ANKFN1: variants seen among roughly 807,000 people sequenced by gnomAD.
ANKFN1 encodes the protein ankyrin repeat and fibronectin type-III domain-containing protein 1.
Under a neutral mutation model 108.7 loss-of-function variants are expected in ANKFN1, and 74 were observed. The observed-to-expected ratio is 0.68, with a 90% CI of 0.56 to 0.83. The LOEUF is 0.83. Among genes scored for constraint, ANKFN1 ranks in the 40% least tolerant of loss-of-function variants. The probability of loss-of-function intolerance (pLI) is 0.00; values close to 1 mark genes in which losing one functional copy is unlikely to be tolerated. For missense variants in ANKFN1, 1,505 were observed against 1,382.3 expected, an observed-to-expected ratio of 1.09 and a Z score of -1.41; for synonymous variants, 547 against 516.2, an observed-to-expected ratio of 1.06 and a Z score of -0.81.
At chr17:56,419,080 G>A (rs1046968263) in intron 8 of ANKFN1, among the ~76,000 whole-genome samples, 1 of 152,156 alleles carries the variant, frequency 6.6e-6, no homozygotes, top group Non-Finnish European at 1.5e-5. Flanking sequence ...GTTGACCATG[G>A]GAACCAACTC....
intron 4 of ANKFN1, among the ~76,000 whole-genome samples, chr17:56,048,426 A>C (rs1180464015): frequency 6.6e-6 from 1 of 152,204 alleles, no homozygotes; most frequent in African/African-American, 2.4e-5. Flanking sequence ...AATCATCAAT[A>C]ATATGGTCCA....
At chr17:56,202,814 AT>A (rs1177481324) in intron 1 of ANKFN1, among the ~76,000 whole-genome samples, 4 of 152,260 alleles carry the variant, frequency 2.6e-5, no homozygotes, top group Admixed American at 2.6e-4. Flanking sequence ...TTTGAAAAAA[AT>A]ATAATGATGC....
At chr17:56,379,228 C>T (rs2047025603) in intron 8 of ANKFN1, among the ~76,000 whole-genome samples, 1 of 152,038 alleles carries the variant, frequency 6.6e-6, no homozygotes, top group Admixed American at 6.5e-5. Context: ...GAAACCCCGT[C>T]TCTACTAAAA....
intron 3 of ANKFN1, among the ~76,000 whole-genome samples, chr17:56,230,151 C>G (rs1446612246): frequency 2.0e-5 from 3 of 152,118 alleles, no homozygotes; most frequent in Non-Finnish European, 4.4e-5. Context: ...ATATGCAACA[C>G]ATAAAATCCC....
At chr17:56,175,596 G>C (rs2143593368) in intron 1 of ANKFN1, among the ~76,000 whole-genome samples, 1 of 152,282 alleles carries the variant, frequency 6.6e-6, no homozygotes, top group South Asian at 2.1e-4. Context: ...ACAAGCGATG[G>C]TGAAGTCCAG....
At chr17:56,311,433 G>A (rs759585203) in intron 3 of ANKFN1, among the ~76,000 whole-genome samples, 4 of 152,122 alleles carry the variant, frequency 2.6e-5, no homozygotes, top group Non-Finnish European at 5.9e-5. Context: ...AAAATGTACC[G>A]AACTCCAAAA....
intron 4 of ANKFN1, among the ~76,000 whole-genome samples, chr17:56,107,247 G>T (rs184208298): frequency 2.0e-5 from 3 of 152,268 alleles, no homozygotes; most frequent in Admixed American, 1.3e-4. Context: ...AAGTCCCAAG[G>T]AGGTTTCAAG....
At chr17:56,395,010 C>T (rs1307433872) in intron 8 of ANKFN1, among the ~76,000 whole-genome samples, 2 of 152,162 alleles carry the variant, frequency 1.3e-5, no homozygotes, top group African/African-American at 2.4e-5. Context: ...GCTGAAGGGC[C>T]TCTCCAGTCC....
chr17:56,228,069 GCA>G (rs771358267), intron 3 of ANKFN1, 112 bp downstream of exon 3: 12 of 828,714 alleles, frequency 1.4e-5, no homozygotes, highest in Non-Finnish European at 1.5e-5. Context: ...GTCTAGCTCA[GCA>G]CACACAGCCA....
chr17:56,449,942 A>G (rs181828093), intron 11 of ANKFN1, among the ~76,000 whole-genome samples: 16 of 152,306 alleles, frequency 1.1e-4, no homozygotes, highest in African/African-American at 3.6e-4. Flanking sequence ...AGAAGGCTTT[A>G]AAAGCTTCTT....
At chr17:56,206,310 A>C (rs1914530463) in intron 1 of ANKFN1, among the ~76,000 whole-genome samples, 1 of 152,134 alleles carries the variant, frequency 6.6e-6, no homozygotes, top group African/African-American at 2.4e-5. Flanking sequence ...CTTTTCCTCC[A>C]AGTAATTACA....
At chr17:56,455,172 T>C (rs2049641675) in intron 11 of ANKFN1, among the ~76,000 whole-genome samples, 1 of 152,200 alleles carries the variant, frequency 6.6e-6, no homozygotes, top group African/African-American at 2.4e-5. Flanking sequence ...GCTTTCCAGC[T>C]ACTGAGATTT....
At position 56,512,289 on chromosome 17, in the gene ANKFN1, C is replaced by G. The variant is rs985220260; in HGVS notation, c.*1020C>G. Among the ~76,000 whole-genome samples, 1 of 152,154 alleles carries G rather than the reference C, an allele frequency of 6.6e-6. No individual in the cohort carries two copies. The highest frequency in any genetic ancestry group is 2.4e-5 in the African/African-American group (1 of 41,422). Reference sequence around the variant, plus strand: ...AGTCAGCAATGGGCTCCTCACAACCCCACAGGCTTATCCACTCACCCTACA... The same window carrying G: ...AGTCAGCAATGGGCTCCTCACAACCGCACAGGCTTATCCACTCACCCTACA... On this transcript the variant is annotated 3_prime_UTR_variant, in exon 21 of 21. Coordinates refer to ENST00000682825, the MANE Select transcript of ANKFN1 (RefSeq NM_001370326.1).
At chr17:56,075,313 T>C (rs9899803) in intron 4 of ANKFN1, among the ~76,000 whole-genome samples, 2 of 151,942 alleles carry the variant, frequency 1.3e-5, no homozygotes, top group African/African-American at 4.8e-5. Flanking sequence ...AAGGTTAATG[T>C]GTAGTTAGAA....
At chr17:56,447,921 C>T (rs1453703397) in intron 10 of ANKFN1, among the ~76,000 whole-genome samples, 1 of 152,204 alleles carries the variant, frequency 6.6e-6, no homozygotes, top group East Asian at 1.9e-4. Flanking sequence ...GACTTCAGAA[C>T]CTATGGTCCT....
chr17:56,073,048 A>G (rs868239880), intron 4 of ANKFN1, among the ~76,000 whole-genome samples: 10 of 151,304 alleles, frequency 6.6e-5, no homozygotes, highest in South Asian at 6.3e-4. Context: ...GCTGGAGTGC[A>G]GTGGCGGGAT....
In ANKFN1 at chr17:56,341,762, GT is replaced by G. The variant is rs879260341; in HGVS notation, c.189-8993del. ...TGTTCTTCCAGGACATTGGCCTAAA[GT>G]TTTTTTTTTTATTATAGCTCTGCCA... On this transcript the variant is annotated intron_variant, in intron 4 of 20. Transcript: ENST00000682825. 4.4e-3 allele frequency among the ~76,000 whole-genome samples: 645 copies of G among 146,412 alleles called. 2 individuals carry two copies. The highest frequency in any genetic ancestry group is 0.014 in the African/African-American group (576 of 40,308).
intron 6 of ANKFN1, chr17:56,368,165 A>C (rs2046709106): frequency 3.0e-6 from 4 of 1,355,506 alleles, no homozygotes; most frequent in Non-Finnish European, 3.9e-6. Context: ...ACTGATCCAG[A>C]GAATGAACCT....
intron 8 of ANKFN1, among the ~76,000 whole-genome samples, chr17:56,396,729 T>C (rs531108591): frequency 7.9e-5 from 12 of 152,164 alleles, no homozygotes; most frequent in South Asian, 2.1e-4. Flanking sequence ...GGTACTACTA[T>C]TATCCTCTCC....
Sources: allele counts gnomAD v4.1 joint callset (sites outside exome capture counted in the v4.1 genomes callset), GRCh38; gene constraint gnomAD v4.1.1; transcripts MANE v1.5; gene names NCBI Gene and HGNC (gene_info 2026-07-23, HGNC 2026-07-21).